The following CCDC186 variants were observed in gnomAD, a reference collection of about 807,000 sequenced individuals.
The protein encoded by CCDC186 is coiled-coil domain-containing protein 186.
In CCDC186, 49 loss-of-function variants were observed where a neutral mutation model predicts 113.7. The ratio of observed to expected loss-of-function variants is 0.43; its 90% CI spans 0.34 to 0.55. The LOEUF is 0.55. Ranked by LOEUF, CCDC186 falls within the 20% of genes least tolerant of loss-of-function variation. CCDC186 has a pLI of 0.02. For synonymous variants in CCDC186, 355 were observed against 345.8 expected, an observed-to-expected ratio of 1.03 and a Z score of -0.30; for missense variants, 890 against 1,011.1, an observed-to-expected ratio of 0.88 and a Z score of 1.62.
chr10:114,138,647 C>T (rs2031360635), intron 6 of CCDC186, among the ~76,000 whole-genome samples: 1 of 152,078 alleles, frequency 6.6e-6, no homozygotes, highest in African/African-American at 2.4e-5. Flanking sequence ...CGTATTAAAT[C>T]CAATTACTTC....
At chr10:114,132,946 T>C (rs747184261) in intron 10 of CCDC186, among the ~76,000 whole-genome samples, 3 of 151,358 alleles carry the variant, frequency 2.0e-5, no homozygotes, top group Non-Finnish European at 2.9e-5. Flanking sequence ...AATACAAGGG[T>C]GAAAAAAGGG....
chr10:114,149,556 A>C (rs1589621053), intron 4 of CCDC186, among the ~76,000 whole-genome samples: 1 of 89,560 alleles, frequency 1.1e-5, no homozygotes, highest in African/African-American at 4.8e-5. Context: ...AGGGAAGGGA[A>C]GGAAAGGAAA....
At chr10:114,134,790 T>A (rs958096930) in intron 10 of CCDC186, 123 bp downstream of exon 10, 25 of 1,023,544 alleles carry the variant, frequency 2.4e-5, no homozygotes, top group Non-Finnish European at 3.5e-5. Context: ...AGAAAATATT[T>A]AAAAATTTCA....
At position 114,128,691 on chromosome 10, in the gene CCDC186, A is replaced by G. The variant is rs183771047; in HGVS notation, c.2183-1020T>C. ...TGCTTAGCATGGTTCTTGGCATTCC[A>G]AAAAAAGACACAAACACTGATATTT... On this transcript the variant is annotated intron_variant, in intron 13 of 15. Transcript: ENST00000369287. Among the ~76,000 whole-genome samples the G allele has an allele frequency of 2.0e-5, 3 of 152,288 alleles. No homozygotes were observed. The East Asian group carries it at 5.8e-4, about 29-fold the overall frequency.
chr10:114,151,054 G>A (rs771368498), intron 4 of CCDC186, 38 bp downstream of exon 4: 4 of 1,604,046 alleles, frequency 2.5e-6, no homozygotes, highest in Admixed American at 3.5e-5. Flanking sequence ...AGAGTCACCA[G>A]AATATCAAGT....
intron 3 of CCDC186, among the ~76,000 whole-genome samples, chr10:114,152,572 C>A (rs1378145030): frequency 2.0e-5 from 3 of 151,782 alleles, no homozygotes; most frequent in Admixed American, 2.0e-4. Flanking sequence ...CAAAAGAAGG[C>A]AGTGAAGGAG....
rs748692079 is a variant in CCDC186, at chr10:114,150,658, A to AT, written c.888+433dup. Among the ~76,000 whole-genome samples, 101 of 151,042 alleles carry AT rather than the reference A, an allele frequency of 6.7e-4. 1 individual carries two copies. The East Asian group carries it at 0.012, about 19-fold the overall frequency. ...GCTTTAGAATTTTTAATGACTTACT[A>AT]TTTTTTTTTAGACAGAGTCTTGCTT... On this transcript the variant is annotated intron_variant, in intron 4 of 15. Coordinates refer to ENST00000369287, the MANE Select transcript of CCDC186 (RefSeq NM_018017.4).
At chr10:114,149,196 A>AT (rs1374923825) in intron 4 of CCDC186, among the ~76,000 whole-genome samples, 2 of 152,220 alleles carry the variant, frequency 1.3e-5, no homozygotes, top group Non-Finnish European at 2.9e-5. Context: ...TATTTTGAAC[A>AT]TGGCTTTGCA....
chr10:114,163,453 G>T, intron 1 of CCDC186, 124 bp from the exon 2 acceptor site: 1 of 798,622 alleles, frequency 1.3e-6, no homozygotes, highest in Non-Finnish European at 1.8e-6. Context: ...TCCTTTAAAA[G>T]CCTGTCCTTG....
At chr10:114,137,024 G>A (rs538756192) in intron 7 of CCDC186, among the ~76,000 whole-genome samples, 162 bp downstream of exon 7, 5 of 152,218 alleles carry the variant, frequency 3.3e-5, no homozygotes, top group Non-Finnish European at 7.4e-5. Flanking sequence ...GGCTGGGGCA[G>A]GAGAATCGCT....
At chr10:114,130,601 G>A (rs971609382) in intron 12 of CCDC186, 1 of 152,166 alleles carries the variant, frequency 6.6e-6, no homozygotes, top group Admixed American at 6.5e-5. Context: ...CCCAGGTGAA[G>A]AGTTAAGTCG....
chr10:114,134,576 C>T (rs1001183365), intron 10 of CCDC186, among the ~76,000 whole-genome samples: 1 of 152,016 alleles, frequency 6.6e-6, no homozygotes, highest in African/African-American at 2.4e-5. Flanking sequence ...TACACACGTG[C>T]GAAGATCTAG....
intron 6 of CCDC186, 55 bp downstream of exon 6, chr10:114,144,438 CAAAA>C: frequency 6.5e-7 from 1 of 1,533,946 alleles, no homozygotes; most frequent in South Asian, 1.3e-5. Context: ...AAAACAAAAA[CAAAA>C]ACAAAAACAA....
At chr10:114,170,021 C>T (rs2032448225) in intron 1 of CCDC186, among the ~76,000 whole-genome samples, 1 of 152,054 alleles carries the variant, frequency 6.6e-6, no homozygotes, top group African/African-American at 2.4e-5. Context: ...CTTAAGCCTC[C>T]CAAGTAGATA....
intron 6 of CCDC186, among the ~76,000 whole-genome samples, chr10:114,144,232 T>C (rs929940827): frequency 1.3e-5 from 2 of 152,144 alleles, no homozygotes; most frequent in East Asian, 1.9e-4. Context: ...TTGCAAACTA[T>C]GAATAGTAAA....
intron 2 of CCDC186, among the ~76,000 whole-genome samples, chr10:114,159,226 C>G (rs2032093978): frequency 6.6e-6 from 1 of 152,192 alleles, no homozygotes; most frequent in Non-Finnish European, 1.5e-5. Flanking sequence ...GTGAGGCATA[C>G]TCAATTGCTA....
rs1412342805 is a variant in CCDC186, at chr10:114,122,010, C to G, written c.*3133G>C. ...AATCTTTTGTACACATGGGGTTTTG[C>G]CATGTTGCCCTGGCTGGTCTCAAAC... On this transcript the variant is annotated 3_prime_UTR_variant, in exon 16 of 16. Transcript: ENST00000369287. 6.6e-6 allele frequency: 1 copy of G among 152,202 alleles called. No individual in the cohort carries two copies. The highest frequency in any genetic ancestry group is 1.5e-5 in the Non-Finnish European group (1 of 68,132). 9.4% of individuals were successfully genotyped at this position (152,202 alleles called of 1,614,324 possible).
chr10:114,155,897 T>C (rs1341671120), intron 3 of CCDC186, among the ~76,000 whole-genome samples: 1 of 152,160 alleles, frequency 6.6e-6, no homozygotes, highest in Non-Finnish European at 1.5e-5. Context: ...AATAGCTATA[T>C]GCAGCTGGTG....
At chr10:114,129,383 A>G (rs565437376) in intron 13 of CCDC186, among the ~76,000 whole-genome samples, 6 of 152,168 alleles carry the variant, frequency 3.9e-5, no homozygotes, top group African/African-American at 1.4e-4. Flanking sequence ...ATCATCACAT[A>G]GAACCCCATG....
Sources: gnomAD v4.1 joint callset for allele counts (sites outside exome capture counted in the v4.1 genomes callset) on GRCh38, gnomAD v4.1.1 for gene constraint, MANE v1.5 for transcripts, NCBI Gene and HGNC (gene_info 2026-07-23, HGNC 2026-07-21) for gene names.